ZNF804A: variants seen among roughly 807,000 people sequenced by gnomAD.
ZNF804A encodes zinc finger protein 804A.
ZNF804A carries 2 observed loss-of-function variants against 16.5 expected under a neutral mutation model. The ratio of observed to expected loss-of-function variants is 0.12; its 90% CI spans 0.05 to 0.38. The LOEUF is 0.38. Ranked by LOEUF, ZNF804A falls within the 10% of genes least tolerant of loss-of-function variation. ZNF804A has a pLI of 0.99. For synonymous variants in ZNF804A, 534 were observed against 489.6 expected, an observed-to-expected ratio of 1.09 and a Z score of -1.20; for missense variants, 1,473 against 1,390.7, an observed-to-expected ratio of 1.06 and a Z score of -0.94.
chr2:184,726,666 C>T (rs1299318997), intron 1 of ZNF804A, among the ~76,000 whole-genome samples: 3 of 151,422 alleles, frequency 2.0e-5, no homozygotes, highest in East Asian at 1.9e-4. Flanking sequence ...AATTGTTCTT[C>T]GTATTAAAAT....
At chr2:184,717,425 A>T (rs1294036308) in intron 1 of ZNF804A, among the ~76,000 whole-genome samples, 1 of 152,100 alleles carries the variant, frequency 6.6e-6, no homozygotes, top group African/African-American at 2.4e-5. Flanking sequence ...CTTTTAAGGC[A>T]CCTCAGTGCT....
chr2:184,708,892 T>A (rs1693079658), intron 1 of ZNF804A, among the ~76,000 whole-genome samples: 1 of 152,106 alleles, frequency 6.6e-6, no homozygotes, highest in Non-Finnish European at 1.5e-5. Flanking sequence ...ATCTTAAGTC[T>A]ATTTCAATCT....
chr2:184,820,550 T>C (rs1484708986), intron 1 of ZNF804A, among the ~76,000 whole-genome samples: 1 of 152,092 alleles, frequency 6.6e-6, no homozygotes, highest in Non-Finnish European at 1.5e-5. Context: ...CAACATAGTA[T>C]TGGAAGTTCT....
intron 1 of ZNF804A, among the ~76,000 whole-genome samples, chr2:184,690,419 A>T (rs193186128): frequency 6.1e-4 from 93 of 152,128 alleles, no homozygotes; most frequent in Non-Finnish European, 4.1e-4. Flanking sequence ...TCATTCAATT[A>T]TAAGCTCTAT....
At chr2:184,648,656 A>G (rs915839603) in intron 1 of ZNF804A, among the ~76,000 whole-genome samples, 40 of 152,278 alleles carry the variant, frequency 2.6e-4, no homozygotes, top group African/African-American at 8.7e-4. Context: ...ATCAAATAAA[A>G]TAGACTTTGA....
chr2:184,921,004 A>C (rs1685520692), intron 2 of ZNF804A, among the ~76,000 whole-genome samples: 1 of 152,224 alleles, frequency 6.6e-6, no homozygotes, highest in Non-Finnish European at 1.5e-5. Flanking sequence ...TAGAAAATTC[A>C]TACACCTTCC....
intron 1 of ZNF804A, among the ~76,000 whole-genome samples, chr2:184,668,764 A>G (rs1231284071): frequency 1.3e-5 from 2 of 152,046 alleles, no homozygotes; most frequent in Admixed American, 6.6e-5. Flanking sequence ...ATAAATAGCT[A>G]GAGAGAACAA....
intron 1 of ZNF804A, among the ~76,000 whole-genome samples, chr2:184,722,096 C>A (rs188956693): frequency 4.6e-5 from 7 of 151,676 alleles, no homozygotes; most frequent in African/African-American, 1.5e-4. Context: ...TGTGTGGGTG[C>A]GCGTGTGTAT....
At chr2:184,774,593 C>T (rs1330303343) in intron 1 of ZNF804A, among the ~76,000 whole-genome samples, 1 of 151,782 alleles carries the variant, frequency 6.6e-6, no homozygotes, top group Non-Finnish European at 1.5e-5. Flanking sequence ...TTCTTCTTTT[C>T]TCCATCTGTG....
chr2:184,628,761 T>G (rs1013928598), intron 1 of ZNF804A, among the ~76,000 whole-genome samples: 8 of 152,156 alleles, frequency 5.3e-5, no homozygotes, highest in African/African-American at 1.9e-4. Context: ...TCTTTTTTTG[T>G]ATACACCTAG....
At chr2:184,804,711 G>A (rs1047661977) in intron 1 of ZNF804A, among the ~76,000 whole-genome samples, 28 of 152,086 alleles carry the variant, frequency 1.8e-4, no homozygotes, top group African/African-American at 6.5e-4. Context: ...AATTGAAAAA[G>A]CAAAGAAGGG....
chr2:184,859,055 C>T (rs192678623), intron 1 of ZNF804A, among the ~76,000 whole-genome samples: 59 of 152,100 alleles, frequency 3.9e-4, no homozygotes, highest in Admixed American at 9.2e-4. Context: ...ATATGTTATT[C>T]GATTCTTTTT....
At chr2:184,777,712 C>T (rs1007008821) in intron 1 of ZNF804A, among the ~76,000 whole-genome samples, 1 of 151,582 alleles carries the variant, frequency 6.6e-6, no homozygotes, top group Non-Finnish European at 1.5e-5. Context: ...CTTCATTTAT[C>T]TTTTAATTGG....
intron 1 of ZNF804A, among the ~76,000 whole-genome samples, chr2:184,630,597 A>G (rs1247053854): frequency 3.3e-5 from 5 of 152,280 alleles, no homozygotes; most frequent in Non-Finnish European, 7.4e-5. Flanking sequence ...TAATATTTGA[A>G]ATAAAATTCT....
chr2:184,701,813 A>G (rs914609969), intron 1 of ZNF804A, among the ~76,000 whole-genome samples: 3 of 151,896 alleles, frequency 2.0e-5, no homozygotes, highest in African/African-American at 2.4e-5. Context: ...GAGTTAACTG[A>G]GTGTTGTTTT....
At chr2:184,848,080 C>A (rs1695547018) in intron 1 of ZNF804A, among the ~76,000 whole-genome samples, 1 of 151,968 alleles carries the variant, frequency 6.6e-6, no homozygotes, top group Non-Finnish European at 1.5e-5. Flanking sequence ...ACTCAATCTT[C>A]AGCCCTTCTC....
intron 1 of ZNF804A, among the ~76,000 whole-genome samples, chr2:184,676,454 A>C (rs1349623439): frequency 6.6e-6 from 1 of 151,678 alleles, no homozygotes; most frequent in Non-Finnish European, 1.5e-5. Context: ...ATCAAGGTTG[A>C]AAATATATTT....
rs773789007 is a variant in ZNF804A at position 184,620,783 on chromosome 2, G to A, written c.111+21713G>A. 4.9e-4 allele frequency among the ~76,000 whole-genome samples: 74 copies of A among 151,640 alleles called. 1 individual carries two copies. The highest frequency in any genetic ancestry group is 1.5e-4 in the Non-Finnish European group (10 of 67,676). On this transcript the variant is annotated intron_variant, in intron 1 of 3. Coordinates refer to ENST00000302277, the MANE Select transcript of ZNF804A (RefSeq NM_194250.2). ...TAGAGAAGTGTCACAATTATTGGTA[G>A]TATAAAATGTGTAGTAATTACTTGA...
At chr2:184,901,367 A>T (rs1685179715) in intron 2 of ZNF804A, among the ~76,000 whole-genome samples, 1 of 152,154 alleles carries the variant, frequency 6.6e-6, no homozygotes, top group South Asian at 2.1e-4. Context: ...GAGAATTGAA[A>T]GAAAGTTTTG....
Sources: allele counts gnomAD v4.1 joint callset (sites outside exome capture counted in the v4.1 genomes callset), GRCh38; gene constraint gnomAD v4.1.1; transcripts MANE v1.5; gene names NCBI Gene and HGNC (gene_info 2026-07-23, HGNC 2026-07-21).